Variants in CADPS observed in about 807,000 individuals in gnomAD.
The protein encoded by CADPS is calcium dependent secretion activator, also known as calcium-dependent secretion activator 1.
A neutral mutation model predicts 167.3 loss-of-function variants in CADPS; 57 were observed. That is an observed-to-expected ratio of 0.34 (90% confidence interval 0.28 to 0.42). The LOEUF (loss-of-function observed/expected upper bound fraction) is 0.42, where lower values mean the gene tolerates loss of function less well. Ranked by LOEUF, CADPS falls within the 20% of genes least tolerant of loss-of-function variation. The pLI is 1.00. For missense variants in CADPS, 1,414 were observed against 1,738.1 expected, an observed-to-expected ratio of 0.81 and a Z score of 3.32; for synonymous variants, 676 against 635.3, an observed-to-expected ratio of 1.06 and a Z score of -0.96.
chr3:62,484,004 C>T (rs574925321), intron 21 of CADPS, among the ~76,000 whole-genome samples: 9 of 152,176 alleles, frequency 5.9e-5, no homozygotes, highest in East Asian at 1.9e-4. Flanking sequence ...AACATATTAG[C>T]GGGTGGCGGG....
chr3:62,826,446 G>GAT (rs937522777), intron 1 of CADPS, among the ~76,000 whole-genome samples: 1 of 152,110 alleles, frequency 6.6e-6, no homozygotes, highest in Non-Finnish European at 1.5e-5. Flanking sequence ...GGGGAAAGGG[G>GAT]ATATAGGATC....
chr3:62,680,648 C>T (rs919756679), intron 3 of CADPS, among the ~76,000 whole-genome samples: 4 of 152,084 alleles, frequency 2.6e-5, no homozygotes, highest in African/African-American at 9.7e-5. Context: ...TCCCTCCTCT[C>T]TATCTTCCGC....
chr3:62,565,881 T>G (rs1346534054), intron 9 of CADPS, among the ~76,000 whole-genome samples: 2 of 152,238 alleles, frequency 1.3e-5, no homozygotes, highest in African/African-American at 4.8e-5. Context: ...GGGAGAATTT[T>G]AATTGTTACA....
rs551751554 is a variant in CADPS at position 62,665,043 on chromosome 3, G to C, written c.889-2649C>G. 6.6e-5 allele frequency among the ~76,000 whole-genome samples: 10 copies of C among 152,246 alleles called. No homozygotes were observed. The South Asian group carries it at 2.1e-3, about 32-fold the overall frequency. On this transcript the variant is annotated intron_variant, in intron 3 of 29. Transcript: ENST00000383710. Reference sequence around the variant, plus strand: ...TGGAGCTTAAATCCAGCAAGAACAGGCATGATTTGGGCATAAAGAAGAAAG... The same window carrying C: ...TGGAGCTTAAATCCAGCAAGAACAGCCATGATTTGGGCATAAAGAAGAAAG...
At chr3:62,532,627 C>T (rs1360712180) in intron 13 of CADPS, among the ~76,000 whole-genome samples, 1 of 151,984 alleles carries the variant, frequency 6.6e-6, no homozygotes, top group Non-Finnish European at 1.5e-5. Flanking sequence ...ATGATTTGAA[C>T]CTAGATTGGC....
intron 11 of CADPS, among the ~76,000 whole-genome samples, chr3:62,539,836 G>T (rs535893680): frequency 3.4e-4 from 52 of 152,266 alleles, no homozygotes; most frequent in Admixed American, 5.2e-4. Context: ...ATAGCAAGTG[G>T]TTAAGTGGCT....
chr3:62,543,027 GAAT>G (rs769662520), intron 11 of CADPS, among the ~76,000 whole-genome samples: 3 of 152,052 alleles, frequency 2.0e-5, no homozygotes, highest in Non-Finnish European at 2.9e-5. Context: ...ATTAACTAGT[GAAT>G]AATATGTTAA....
At chr3:62,846,270 G>T (rs2077418744) in intron 1 of CADPS, among the ~76,000 whole-genome samples, 1 of 152,168 alleles carries the variant, frequency 6.6e-6, no homozygotes, top group African/African-American at 2.4e-5. Flanking sequence ...GACTAATACA[G>T]TAAGTGATCA....
intron 2 of CADPS, 41 bp downstream of exon 2, chr3:62,765,830 G>A: frequency 7.4e-7 from 1 of 1,356,890 alleles, no homozygotes; most frequent in South Asian, 1.2e-5. Context: ...CAGGCATAGG[G>A]CTTGAGTGGT....
At chr3:62,596,498 C>T (rs2058967519) in intron 6 of CADPS, among the ~76,000 whole-genome samples, 1 of 152,040 alleles carries the variant, frequency 6.6e-6, no homozygotes, top group South Asian at 2.1e-4. Context: ...ACACCTGGCC[C>T]AGAGTGCTAT....
chr3:62,851,211 G>A (rs1424288479), intron 1 of CADPS, among the ~76,000 whole-genome samples: 5 of 141,516 alleles, frequency 3.5e-5, no homozygotes, highest in African/African-American at 1.3e-4. Flanking sequence ...ACATTGATGG[G>A]TCTTGACTCT....
chr3:62,855,568 A>C (rs1028876604), intron 1 of CADPS, among the ~76,000 whole-genome samples: 24 of 152,286 alleles, frequency 1.6e-4, no homozygotes, highest in African/African-American at 5.5e-4. Context: ...AGAGTAGCTT[A>C]AAACTATTTA....
intron 3 of CADPS, among the ~76,000 whole-genome samples, chr3:62,692,389 T>TA (rs2079325783): frequency 6.6e-6 from 1 of 151,336 alleles, no homozygotes; most frequent in Admixed American, 6.6e-5. Flanking sequence ...AGTACGGTTT[T>TA]TTCCTGAATA....
chr3:62,800,464 T>C (rs2093695054), intron 1 of CADPS, among the ~76,000 whole-genome samples: 1 of 152,280 alleles, frequency 6.6e-6, no homozygotes, highest in Admixed American at 6.5e-5. Flanking sequence ...TATTATATGC[T>C]TTTCCAGAAT....
At chr3:62,750,893 T>A (rs2082542269) in intron 3 of CADPS, among the ~76,000 whole-genome samples, 1 of 152,208 alleles carries the variant, frequency 6.6e-6, no homozygotes, top group Non-Finnish European at 1.5e-5. Context: ...AATTAATTAA[T>A]CCTATACTGC....
At chr3:62,783,887 T>C (rs532098335) in intron 1 of CADPS, among the ~76,000 whole-genome samples, 6 of 152,212 alleles carry the variant, frequency 3.9e-5, no homozygotes, top group Admixed American at 2.6e-4. Flanking sequence ...AGGAGAGAAA[T>C]ACACACAAAT....
At chr3:62,522,804 G>A (rs6783350) in intron 13 of CADPS, among the ~76,000 whole-genome samples, 121,428 of 151,576 alleles carry the variant, frequency 0.8, 49,150 homozygotes, top group Middle Eastern at 0.91. Flanking sequence ...CTAACAACTC[G>A]CTTCTTTTAT....
At chr3:62,450,860 A>AT (rs1238592064) in intron 26 of CADPS, among the ~76,000 whole-genome samples, 2 of 152,104 alleles carry the variant, frequency 1.3e-5, no homozygotes, top group Admixed American at 1.3e-4. Flanking sequence ...TAATATTCCC[A>AT]TTTTACAGTT....
At chr3:62,408,684 C>T (rs1324329275) in intron 28 of CADPS, among the ~76,000 whole-genome samples, 2 of 152,198 alleles carry the variant, frequency 1.3e-5, no homozygotes, top group African/African-American at 2.4e-5. Flanking sequence ...TGACCCCCAA[C>T]ATCTTGATGT....
Sources: gnomAD v4.1 joint callset for allele counts (sites outside exome capture counted in the v4.1 genomes callset) on GRCh38, gnomAD v4.1.1 for gene constraint, MANE v1.5 for transcripts, NCBI Gene and HGNC (gene_info 2026-07-23, HGNC 2026-07-21) for gene names.